The following CBFA2T3 variants were observed in gnomAD, a reference collection of about 807,000 sequenced individuals.
The protein encoded by CBFA2T3 is CBFA2/RUNX1 partner transcriptional co-repressor 3.
Under a neutral mutation model 58.6 loss-of-function variants are expected in CBFA2T3, and 31 were observed. That is an observed-to-expected ratio of 0.53 (90% CI 0.40 to 0.71). CBFA2T3 has a LOEUF of 0.71. Ranked by LOEUF, CBFA2T3 falls within the 30% of genes least tolerant of loss-of-function variation. The probability of loss-of-function intolerance (pLI) is 0.00; values close to 1 mark genes in which losing one functional copy is unlikely to be tolerated. For synonymous variants in CBFA2T3, 531 were observed against 421.9 expected, an observed-to-expected ratio of 1.26 and a Z score of -3.17; for missense variants, 1,076 against 963.1, an observed-to-expected ratio of 1.12 and a Z score of -1.55.
At chr16:88,920,702 G>T (rs1970885184) in intron 1 of CBFA2T3, among the ~76,000 whole-genome samples, 1 of 152,330 alleles carries the variant, frequency 6.6e-6, no homozygotes, top group South Asian at 2.1e-4. Flanking sequence ...GGTGGACAAG[G>T]GCGGCCTCTG....
At chr16:88,908,803 G>A (rs1970425925) in intron 1 of CBFA2T3, among the ~76,000 whole-genome samples, 1 of 152,266 alleles carries the variant, frequency 6.6e-6, no homozygotes, top group Non-Finnish European at 1.5e-5. Context: ...GGTAACGCAG[G>A]TGACCTGTCT....
chr16:88,901,396 C>T (rs1468437531), intron 2 of CBFA2T3, 108 bp downstream of exon 2: 2 of 572,684 alleles, frequency 3.5e-6, no homozygotes, highest in African/African-American at 2.0e-5. Context: ...ACACTCAGGG[C>T]TCACAGAAGG....
intron 1 of CBFA2T3, among the ~76,000 whole-genome samples, chr16:88,924,324 C>T (rs1457543835): frequency 6.6e-6 from 1 of 152,236 alleles, no homozygotes; most frequent in African/African-American, 2.4e-5. Flanking sequence ...GCTCCAGTCG[C>T]CCTGCACAAG....
intron 1 of CBFA2T3, among the ~76,000 whole-genome samples, chr16:88,911,723 G>A (rs1292779635): frequency 6.6e-6 from 1 of 152,266 alleles, no homozygotes; most frequent in Non-Finnish European, 1.5e-5. Flanking sequence ...CAGCTGTCAT[G>A]CTTCGGGCTA....
In CBFA2T3 at chr16:88,977,013, T is replaced by G; in HGVS notation, c.-206A>C. 1 of 502,928 alleles carries G rather than the reference T, an allele frequency of 2.0e-6. No individual in the cohort carries two copies. Among genetic ancestry groups the G allele is most frequent in the South Asian group, 3.6e-5 (1 of 27,870 alleles). The allele number at this position is 502,928 out of a possible 1,614,324, so 31.2% of individuals were successfully genotyped here. A position where few individuals can be genotyped will look rare whatever the true frequency, so the allele number is the denominator to read the frequency against. On this transcript the variant is annotated 5_prime_UTR_variant, in exon 1 of 12. Coordinates refer to ENST00000268679, the MANE Select transcript of CBFA2T3 (RefSeq NM_005187.6). ...TGCCCTGGGGAGGGGGTGGGAGCCCTGGGGCTCATGTGACGCGGGGCGGGC... is the reference window on the plus strand; with the variant it reads ...TGCCCTGGGGAGGGGGTGGGAGCCCGGGGGCTCATGTGACGCGGGGCGGGC...
chr16:88,889,188 C>T (rs1359514013), intron 5 of CBFA2T3, among the ~76,000 whole-genome samples: 2 of 151,410 alleles, frequency 1.3e-5, no homozygotes, highest in South Asian at 2.1e-4. Flanking sequence ...CTGCAAACGA[C>T]GCCAGATGGG....
At chr16:88,976,169 C>T (rs947520228) in intron 1 of CBFA2T3, among the ~76,000 whole-genome samples, 2 of 152,208 alleles carry the variant, frequency 1.3e-5, no homozygotes, top group Admixed American at 6.5e-5. Context: ...AATCGTTCCT[C>T]GGACAGGGGC....
At chr16:88,897,352 C>T (rs932356288) in intron 3 of CBFA2T3, among the ~76,000 whole-genome samples, 1 of 152,260 alleles carries the variant, frequency 6.6e-6, no homozygotes, top group Non-Finnish European at 1.5e-5. Context: ...GACAGCCACA[C>T]CTGGGCCATG....
Position 88,977,092 on chromosome 16 carries a change from G to A in CBFA2T3, c.-285C>T. The A allele has an allele frequency of 2.7e-6, 1 of 376,906 alleles. No individual in the cohort carries two copies. Among genetic ancestry groups the A allele is most frequent in the South Asian group, 6.9e-5 (1 of 14,590 alleles). 23.3% of individuals were successfully genotyped at this position (376,906 alleles called of 1,614,324 possible). On this transcript the variant is annotated 5_prime_UTR_variant, in exon 1 of 12. Coordinates refer to ENST00000268679, the MANE Select transcript of CBFA2T3 (RefSeq NM_005187.6). ...CTGCAGCCTGCGGGTGAGGCAGCCAGCTGTGTCCCCGTGATAATGCCGGGG... is the reference window on the plus strand; with the variant it reads ...CTGCAGCCTGCGGGTGAGGCAGCCAACTGTGTCCCCGTGATAATGCCGGGG...
At chr16:88,900,895 G>T (rs140759167) in intron 2 of CBFA2T3, among the ~76,000 whole-genome samples, 3 of 152,238 alleles carry the variant, frequency 2.0e-5, no homozygotes. Flanking sequence ...CCCTTGCCAG[G>T]GCCAGCAAGA....
Position 88,885,146 on chromosome 16 carries a change from C to A in CBFA2T3, c.1017G>T (p.Pro339=). Reference sequence around the variant, plus strand: ...CTATGTCCTCCAGGCGGTAGTGCGGCGGCGGTGTGGGCTGCGGTGGCCCGT... The same window carrying A: ...CTATGTCCTCCAGGCGGTAGTGCGGAGGCGGTGTGGGCTGCGGTGGCCCGT... ...PSNGPPQPTP[P]PHYRLEDIAM... The change falls in exon 7 of 12, where the codon CCG becomes CCT. Residue 339 remains proline (P), a synonymous_variant. Transcript: ENST00000268679. This position sits in a 1 kb window ranked among gnomAD's most constrained non-coding sequence, Gnocchi z 5.3. 6.2e-7 allele frequency: 1 copy of A among 1,600,550 alleles called. No homozygotes were observed. Among genetic ancestry groups the A allele is most frequent in the Admixed American group, 1.7e-5 (1 of 59,542 alleles).
At position 88,901,631 on chromosome 16, in the gene CBFA2T3, G is replaced by A; in HGVS notation, c.177C>T (p.Ala59=). 6.5e-7 allele frequency: 1 copy of A among 1,531,594 alleles called. No individual in the cohort carries two copies. The highest frequency in any genetic ancestry group is 8.7e-7 in the Non-Finnish European group (1 of 1,150,650). 94.9% of individuals were successfully genotyped at this position (1,531,594 alleles called of 1,614,324 possible). ...CCGCTGGGGAGTCCGGCATCGCTGAGGCCTTAGCTTTCCTGTCCACTGGGG... is the reference window on the plus strand; with the variant it reads ...CCGCTGGGGAGTCCGGCATCGCTGAAGCCTTAGCTTTCCTGTCCACTGGGG... ...GPAPVDRKAK[A]SAMPDSPAEV... The change falls in exon 2 of 12, where the codon GCC becomes GCT. Residue 59 remains alanine, a synonymous_variant. Transcript: ENST00000268679.
chr16:88,892,380 G>T lies in CBFA2T3; in HGVS notation c.485C>A (p.Thr162Lys). ...PATSSTASLS[T>K]QHLPPACGAR... Reference sequence around the variant, plus strand: ...CCCGCAGGCTGGGGGCAGGTGCTGTGTGGACAAGGAGGCTGTGGACGAGGT... The same window carrying T: ...CCCGCAGGCTGGGGGCAGGTGCTGTTTGGACAAGGAGGCTGTGGACGAGGT... Residue 162 changes from threonine (T) to lysine (K), a missense_variant, in exon 4 of 12, where the codon ACA becomes AAA. By Grantham distance (78) the Thr-to-Lys change is moderately conservative (BLOSUM62 -1). Transcript: ENST00000268679. 1.2e-6 allele frequency: 2 copies of T among 1,613,572 alleles called. No homozygotes were observed. The highest frequency in any genetic ancestry group is 1.7e-6 in the Non-Finnish European group (2 of 1,180,006).
chr16:88,936,626 G>A (rs1050348270), intron 1 of CBFA2T3, among the ~76,000 whole-genome samples: 2 of 152,242 alleles, frequency 1.3e-5, no homozygotes, highest in Admixed American at 6.5e-5. Flanking sequence ...AGAGGCAGGC[G>A]GCCGACAGCA....
chr16:88,935,585 G>C (rs1353259959), intron 1 of CBFA2T3, among the ~76,000 whole-genome samples: 1 of 152,232 alleles, frequency 6.6e-6, no homozygotes, highest in Non-Finnish European at 1.5e-5. Flanking sequence ...CCTCGCGTGG[G>C]TGGAGCAGGC....
At chr16:88,917,852 G>C (rs1168719231) in intron 1 of CBFA2T3, among the ~76,000 whole-genome samples, 2 of 152,180 alleles carry the variant, frequency 1.3e-5, no homozygotes, top group African/African-American at 4.8e-5. Flanking sequence ...GTGGACGACA[G>C]AGTGGGTGCG....
At chr16:88,903,680 G>A (rs1970190756) in intron 1 of CBFA2T3, among the ~76,000 whole-genome samples, 1 of 124,996 alleles carries the variant, frequency 8.0e-6, no homozygotes, top group Admixed American at 7.5e-5. Context: ...GCGTTCCTGG[G>A]GGGGCATTCC....
Position 88,926,987 on chromosome 16 carries a change from G to A in CBFA2T3, c.152-25331C>T, listed in dbSNP as rs552646469. ...GGAGGTGGCGGCACACTCCTGCCTC[G>A]GGCCTGGCACGCGTGGTCCTTCCCT... On this transcript the variant is annotated intron_variant, in intron 1 of 11. Coordinates refer to ENST00000268679, the MANE Select transcript of CBFA2T3 (RefSeq NM_005187.6). Among the ~76,000 whole-genome samples the A allele has an allele frequency of 8.5e-5, 13 of 152,220 alleles. No individual in the cohort carries two copies. The South Asian group carries it at 1.7e-3, about 19-fold the overall frequency.
In CBFA2T3 at chr16:88,958,885, G is replaced by A. The variant is rs74033219; in HGVS notation, c.151+17772C>T. Among the ~76,000 whole-genome samples the A allele has an allele frequency of 0.017, 2,660 of 152,264 alleles. 83 individuals carry two copies. Among genetic ancestry groups the A allele is most frequent in the African/African-American group, 0.062 (2,555 of 41,542 alleles). ...TATGGTCAGAGTGGGACCCTGTACC[G>A]CCTCTGCCGCCCTTTTCCCTTTGCC... On this transcript the variant is annotated intron_variant, in intron 1 of 11. Coordinates refer to ENST00000268679, the MANE Select transcript of CBFA2T3 (RefSeq NM_005187.6). This position sits in a 1 kb window ranked among gnomAD's most constrained non-coding sequence, Gnocchi z 4.0.
Sources: gnomAD v4.1 joint callset for allele counts (sites outside exome capture counted in the v4.1 genomes callset) on GRCh38, gnomAD v4.1.1 for gene constraint, Gnocchi (gnomAD v3.1) non-coding constraint, MANE v1.5 for transcripts, NCBI Gene and HGNC (gene_info 2026-07-23, HGNC 2026-07-21) for gene names.